VAV3: variants seen among roughly 807,000 people sequenced by gnomAD.
VAV3 encodes vav guanine nucleotide exchange factor 3, also known as guanine nucleotide exchange factor VAV3.
Under a neutral mutation model 131.2 loss-of-function variants are expected in VAV3, and 94 were observed. The ratio of observed to expected loss-of-function variants is 0.72; its 90% CI spans 0.61 to 0.85. The LOEUF is 0.85. Among genes scored for constraint, VAV3 ranks in the 40% least tolerant of loss-of-function variants. VAV3 has a pLI of 0.00. For synonymous variants in VAV3, 349 were observed against 342.0 expected, an observed-to-expected ratio of 1.02 and a Z score of -0.22; for missense variants, 939 against 1,002.7, an observed-to-expected ratio of 0.94 and a Z score of 0.86.
chr1:107,704,482 C>A, intron 17 of VAV3, 68 bp downstream of exon 17: 2 of 1,210,700 alleles, frequency 1.7e-6, no homozygotes, highest in Non-Finnish European at 2.4e-6. Flanking sequence ...GTAAATTAGG[C>A]CTTAATTATG....
At chr1:107,871,949 G>C (rs977627868) in intron 2 of VAV3, among the ~76,000 whole-genome samples, 1 of 152,206 alleles carries the variant, frequency 6.6e-6, no homozygotes, top group African/African-American at 2.4e-5. Flanking sequence ...GACTCATGCA[G>C]TATCCTAAAT....
At chr1:107,947,416 A>G (rs1051781541) in intron 1 of VAV3, among the ~76,000 whole-genome samples, 2 of 152,184 alleles carry the variant, frequency 1.3e-5, no homozygotes, top group African/African-American at 4.8e-5. Flanking sequence ...AACTGTGAGG[A>G]AAGCCCTATA....
intron 2 of VAV3, among the ~76,000 whole-genome samples, chr1:107,816,843 G>C (rs893740620): frequency 6.6e-6 from 1 of 152,100 alleles, no homozygotes; most frequent in East Asian, 1.9e-4. Flanking sequence ...AGAGGTTCAG[G>C]GATGGTCCCC....
chr1:107,892,136 T>C (rs955319303), intron 1 of VAV3, among the ~76,000 whole-genome samples: 2 of 152,300 alleles, frequency 1.3e-5, no homozygotes, highest in South Asian at 2.1e-4. Flanking sequence ...TAATATGTCA[T>C]AATGGCATGT....
chr1:107,573,062 G>T lies in VAV3; in HGVS notation c.*269C>A, dbSNP rs745658316. 2.3e-6 allele frequency: 1 copy of T among 442,004 alleles called. No individual in the cohort carries two copies. Among genetic ancestry groups the T allele is most frequent in the Non-Finnish European group, 4.0e-6 (1 of 252,330 alleles). 27.4% of individuals were successfully genotyped at this position (442,004 alleles called of 1,614,324 possible). ...CCAATGTGTTTGCAGGGCTCTTCTG[G>T]GAAGAACAGCTCTTGGTTTTGCCCT... On this transcript the variant is annotated 3_prime_UTR_variant, in exon 27 of 27. Transcript: ENST00000370056.
rs556884358 is a variant in VAV3, at chr1:107,844,354, C to T, written c.321+30547G>A. ...CAGGAGATTCCATCTGGTGCCTACA[C>T]CACCAGGGCCCTGGGTTTCAAGCAC... On this transcript the variant is annotated intron_variant, in intron 2 of 26. Coordinates refer to ENST00000370056, the MANE Select transcript of VAV3 (RefSeq NM_006113.5). Among the ~76,000 whole-genome samples the T allele has an allele frequency of 6.8e-4, 104 of 152,308 alleles. 1 individual carries two copies. The highest frequency in any genetic ancestry group is 2.5e-3 in the African/African-American group (104 of 41,580).
intron 2 of VAV3, among the ~76,000 whole-genome samples, chr1:107,864,607 G>A (rs1427373864): frequency 3.9e-5 from 6 of 152,174 alleles, no homozygotes; most frequent in African/African-American, 1.4e-4. Context: ...TAGGCATGGA[G>A]GGTGAAACCC....
chr1:107,856,997 C>T (rs1669503506), intron 2 of VAV3, among the ~76,000 whole-genome samples: 1 of 152,098 alleles, frequency 6.6e-6, no homozygotes, highest in Admixed American at 6.6e-5. Context: ...TAGGATTGCA[C>T]CATTTCACTC....
At chr1:107,781,574 A>G (rs2102234027) in intron 2 of VAV3, among the ~76,000 whole-genome samples, 2 of 152,310 alleles carry the variant, frequency 1.3e-5, no homozygotes, top group East Asian at 3.9e-4. Context: ...ACAAAAGAGA[A>G]GGGAGCAAAA....
At chr1:107,682,891 G>T (rs532290556) in intron 19 of VAV3, among the ~76,000 whole-genome samples, 1 of 152,282 alleles carries the variant, frequency 6.6e-6, no homozygotes, top group South Asian at 2.1e-4. Context: ...TGGAAAGAAG[G>T]CATTGCATAA....
chr1:107,611,633 G>A (rs1257309668), intron 21 of VAV3, among the ~76,000 whole-genome samples: 7 of 149,492 alleles, frequency 4.7e-5, no homozygotes, highest in Non-Finnish European at 8.9e-5. Flanking sequence ...AAAAAAAGGA[G>A]ACAGGAAGGA....
chr1:107,737,417 C>T (rs997952271), intron 15 of VAV3, among the ~76,000 whole-genome samples: 1 of 152,166 alleles, frequency 6.6e-6, no homozygotes, highest in Non-Finnish European at 1.5e-5. Context: ...AGTGAACAGG[C>T]AACCTACAGA....
At chr1:107,750,441 T>A (rs1292465593) in intron 13 of VAV3, among the ~76,000 whole-genome samples, 1 of 152,198 alleles carries the variant, frequency 6.6e-6, no homozygotes, top group Non-Finnish European at 1.5e-5. Context: ...ATTTTTTTTA[T>A]ACACAATGAT....
rs567092809 is a variant in VAV3, at chr1:107,626,758, C to A, written c.1915-9126G>T. ...GGAATCTGAAGGGGAAAAACACTTA[C>A]CAGTTCCAAGAAATGTTTACTCTCT... On this transcript the variant is annotated intron_variant, in intron 20 of 26. Transcript: ENST00000370056. 1.1e-4 allele frequency among the ~76,000 whole-genome samples: 17 copies of A among 152,276 alleles called. No homozygotes were observed. The South Asian group carries it at 3.5e-3, about 32-fold the overall frequency.
chr1:107,854,273 G>A (rs539667715), intron 2 of VAV3, among the ~76,000 whole-genome samples: 132 of 152,248 alleles, frequency 8.7e-4, no homozygotes, highest in African/African-American at 2.9e-3. Context: ...TTGTACCACT[G>A]CATTCCAACT....
At position 107,643,006 on chromosome 1, in the gene VAV3, T is replaced by C. The variant is rs113108314; in HGVS notation, c.1778-251A>G. ...TCTCCCTTACCATCAATCTCTTTTT[T>C]AGTTGAAAAAATATTTCTCCTTCAG... On this transcript the variant is annotated intron_variant, in intron 19 of 26. Transcript: ENST00000370056. 7.0e-3 allele frequency among the ~76,000 whole-genome samples: 1,067 copies of C among 152,252 alleles called. 14 individuals are homozygous for C. Among genetic ancestry groups the C allele is most frequent in the African/African-American group, 0.024 (1,017 of 41,542 alleles).
chr1:107,812,826 T>C (rs1453627608), intron 2 of VAV3, among the ~76,000 whole-genome samples: 1 of 151,922 alleles, frequency 6.6e-6, no homozygotes, highest in Non-Finnish European at 1.5e-5. Flanking sequence ...ATACAGGAAT[T>C]AAAAACTCTT....
At chr1:107,629,233 A>T (rs1570642542) in intron 20 of VAV3, among the ~76,000 whole-genome samples, 4 of 152,328 alleles carry the variant, frequency 2.6e-5, no homozygotes, top group South Asian at 4.1e-4. Flanking sequence ...TTTTCTATGC[A>T]TTCTATTGTA....
chr1:107,936,184 T>C lies in VAV3; in HGVS notation c.204+28482A>G, dbSNP rs570704769. Among the ~76,000 whole-genome samples the C allele has an allele frequency of 1.1e-3, 161 of 152,342 alleles. 3 individuals are homozygous for C. The South Asian group carries it at 0.031, about 30-fold the overall frequency. On this transcript the variant is annotated intron_variant, in intron 1 of 26. Transcript: ENST00000370056. Reference sequence around the variant, plus strand: ...ACATCCTGAAAATACACCCACAATTTTTTTTAGTACTTGGAAAATAAATCT... The same window carrying C: ...ACATCCTGAAAATACACCCACAATTCTTTTTAGTACTTGGAAAATAAATCT...
Sources: allele counts gnomAD v4.1 joint callset (sites outside exome capture counted in the v4.1 genomes callset), GRCh38; gene constraint gnomAD v4.1.1; transcripts MANE v1.5; gene names NCBI Gene and HGNC (gene_info 2026-07-23, HGNC 2026-07-21).